Variants in SERPINB7 observed in about 807,000 individuals in gnomAD.
SERPINB7 encodes serpin B7.
In SERPINB7, 31 loss-of-function variants were observed where a neutral mutation model predicts 37.4. That is an observed-to-expected ratio of 0.83 (90% CI 0.62 to 1.12). The LOEUF (loss-of-function observed/expected upper bound fraction) is 1.12. Among genes scored for constraint, SERPINB7 ranks in the 50% most tolerant of loss-of-function variants. SERPINB7 has a pLI of 0.00. For synonymous variants in SERPINB7, 163 were observed against 166.1 expected (o/e 0.98, Z 0.14); for missense variants, 521 against 455.3 (o/e 1.14, Z -1.31).
At chr18:63,766,575 T>G (rs992900976) in intron 1 of SERPINB7, among the ~76,000 whole-genome samples, 2 of 152,102 alleles carry the variant, frequency 1.3e-5, no homozygotes, top group African/African-American at 4.8e-5. Context: ...AGGCTAAACT[T>G]TTGCTCATGC....
intron 1 of SERPINB7, among the ~76,000 whole-genome samples, chr18:63,762,256 C>G (rs570726817): frequency 9.9e-5 from 15 of 152,198 alleles, no homozygotes; most frequent in African/African-American, 3.4e-4. Flanking sequence ...GGGAAAAGGC[C>G]ACTGGATGAA....
chr18:63,802,261 TG>T (rs1210242387), intron 7 of SERPINB7, among the ~76,000 whole-genome samples: 3 of 152,234 alleles, frequency 2.0e-5, no homozygotes, highest in Non-Finnish European at 1.5e-5. Flanking sequence ...GGGGAGACGG[TG>T]GGGGCCGTGC....
upstream of SERPINB7, among the ~76,000 whole-genome samples, chr18:63,772,587 T>G (rs2049217626): frequency 6.6e-6 from 1 of 152,134 alleles, no homozygotes; most frequent in Non-Finnish European, 1.5e-5. Context: ...GACCAATTAC[T>G]GCATTTCTTT....
chr18:63,771,353 C>A (rs896810892), upstream of SERPINB7, among the ~76,000 whole-genome samples: 1 of 152,046 alleles, frequency 6.6e-6, no homozygotes, highest in Non-Finnish European at 1.5e-5. Flanking sequence ...TGGTTTCCTG[C>A]ATAGACTGGA....
At chr18:63,759,458 C>A (rs1177615890) in intron 1 of SERPINB7, among the ~76,000 whole-genome samples, 1 of 152,158 alleles carries the variant, frequency 6.6e-6, no homozygotes, top group Non-Finnish European at 1.5e-5. Context: ...CCTTCCAAAA[C>A]CAATTTTTAA....
chr18:63,799,786 A>G (rs1185238804), intron 6 of SERPINB7, among the ~76,000 whole-genome samples: 1 of 152,192 alleles, frequency 6.6e-6, no homozygotes, highest in Non-Finnish European at 1.5e-5. Context: ...CAACCTTTCC[A>G]GAGAAGGACC....
chr18:63,753,917 G>A (rs2144577885), intron 1 of SERPINB7, among the ~76,000 whole-genome samples: 1 of 152,288 alleles, frequency 6.6e-6, no homozygotes, highest in East Asian at 1.9e-4. Flanking sequence ...CTTCTACAAT[G>A]ACTTACAACC....
At chr18:63,801,159 G>A (rs979831223) in intron 7 of SERPINB7, 147 bp downstream of exon 7, 2 of 772,140 alleles carry the variant, frequency 2.6e-6, no homozygotes, top group African/African-American at 3.5e-5. Flanking sequence ...AATATTTAAG[G>A]GGTACCTAGT....
chr18:63,770,736 G>C (rs527781034), upstream of SERPINB7, among the ~76,000 whole-genome samples: 1 of 152,088 alleles, frequency 6.6e-6, no homozygotes, highest in Admixed American at 6.5e-5. Context: ...GAATTTCTAT[G>C]CATGAGCCAT....
intron 2 of SERPINB7, among the ~76,000 whole-genome samples, chr18:63,783,191 AGAGAGAGAGAGAGAGAG>A (rs2049321400): frequency 1.6e-4 from 10 of 61,866 alleles, no homozygotes; most frequent in Admixed American, 5.9e-4. Context: ...AAAGAAAGAG[AGAGAGAGAGAGAGAGAG>A]AGAGAGAGAG....
At chr18:63,787,981 G>A (rs1370187386) in intron 2 of SERPINB7, among the ~76,000 whole-genome samples, 1 of 152,222 alleles carries the variant, frequency 6.6e-6, no homozygotes, top group African/African-American at 2.4e-5. Flanking sequence ...GCTGGCATAA[G>A]CCAACCTACT....
chr18:63,780,542 T>C (rs2049291405), intron 1 of SERPINB7, among the ~76,000 whole-genome samples: 1 of 152,196 alleles, frequency 6.6e-6, no homozygotes, highest in South Asian at 2.1e-4. Context: ...GTTTCTCGTC[T>C]CCTTTGTTGC....
intron 1 of SERPINB7, among the ~76,000 whole-genome samples, chr18:63,762,173 C>G (rs2049157945): frequency 6.6e-6 from 1 of 152,086 alleles, no homozygotes; most frequent in South Asian, 2.1e-4. Flanking sequence ...TGGTGCCAAG[C>G]CCAGCACCCA....
At chr18:63,785,672 G>A (rs930824056) in intron 2 of SERPINB7, among the ~76,000 whole-genome samples, 8 of 151,816 alleles carry the variant, frequency 5.3e-5, no homozygotes, top group South Asian at 2.1e-4. Context: ...CTGGAAAAGC[G>A]TATTTACTGA....
chr18:63,789,099 T>C (rs2144625330), intron 2 of SERPINB7, among the ~76,000 whole-genome samples: 1 of 152,046 alleles, frequency 6.6e-6, no homozygotes, highest in South Asian at 2.1e-4. Context: ...GCCATTTATA[T>C]TTTTCTCAAG....
chr18:63,754,176 A>G (rs770712005), intron 1 of SERPINB7, among the ~76,000 whole-genome samples: 3 of 152,258 alleles, frequency 2.0e-5, no homozygotes, highest in Non-Finnish European at 4.4e-5. Flanking sequence ...ATTTCTTGAC[A>G]GAGTTTAAAT....
At position 63,793,188 on chromosome 18, in the gene SERPINB7, G is replaced by T; in HGVS notation, c.247G>T (p.Val83Phe). The part of the protein sequence containing the change: ...QSGLQSQLKR[V>F]FSDINASHKD... ...AGGGCTCCAGTCTCAACTGAAAAGAGTTTTTTCTGATATAAATGCATCCCA... is the reference window on the plus strand; with the variant it reads ...AGGGCTCCAGTCTCAACTGAAAAGATTTTTTTCTGATATAAATGCATCCCA... The change falls in exon 4 of 8, where the codon GTT (valine) becomes TTT (phenylalanine). Residue 83 changes from valine (V) to phenylalanine (F), a missense_variant. Val to Phe is a conservative substitution (Grantham distance 50). Coordinates refer to ENST00000398019, the MANE Select transcript of SERPINB7 (RefSeq NM_003784.4). 1 of 1,592,898 alleles carries T rather than the reference G, an allele frequency of 6.3e-7. No individual in the cohort carries two copies. Among genetic ancestry groups the T allele is most frequent in the East Asian group, 2.3e-5 (1 of 44,262 alleles).
chr18:63,799,801 G>A (rs751262027), intron 6 of SERPINB7, among the ~76,000 whole-genome samples: 2 of 152,142 alleles, frequency 1.3e-5, no homozygotes, highest in Non-Finnish European at 2.9e-5. Flanking sequence ...AGGACCTTTG[G>A]TTCAAGGACA....
rs113450153 is a variant in SERPINB7, at chr18:63,762,088, G to A, written c.-19+8968G>A. On this transcript the variant is annotated intron_variant, in intron 1 of 7. Coordinates refer to the SERPINB7 transcript ENST00000336429. Reference sequence around the variant, plus strand: ...CATGCCACCTCGTAATTGCTTGTGAGTTGTTTCCCTTAGTGGACTGTGGGA... The same window carrying A: ...CATGCCACCTCGTAATTGCTTGTGAATTGTTTCCCTTAGTGGACTGTGGGA... 3.3e-3 allele frequency among the ~76,000 whole-genome samples: 497 copies of A among 152,284 alleles called. 1 individual carries two copies. The highest frequency in any genetic ancestry group is 5.2e-3 in the Non-Finnish European group (354 of 68,020).
Sources: allele counts gnomAD v4.1 joint callset (sites outside exome capture counted in the v4.1 genomes callset), GRCh38; gene constraint gnomAD v4.1.1; transcripts MANE v1.5; gene names NCBI Gene and HGNC (gene_info 2026-07-23, HGNC 2026-07-21).